Variants in CAPG observed in about 807,000 individuals in gnomAD.
CAPG encodes capping actin protein, gelsolin like.
A neutral mutation model predicts 44.6 loss-of-function variants in CAPG; 32 were observed. That is an observed-to-expected ratio of 0.72 (90% CI 0.54 to 0.96). The LOEUF (loss-of-function observed/expected upper bound fraction) is 0.96, where lower values mean the gene tolerates loss of function less well. CAPG is among the 50% of genes least tolerant of loss of function. CAPG has a pLI of 0.00. For missense variants in CAPG, 412 were observed against 438.3 expected (o/e 0.94, Z 0.54); for synonymous variants, 175 against 179.6 (o/e 0.97, Z 0.20).
At chr2:85,402,097 G>C in intron 2 of CAPG, 26 bp downstream of exon 2, 1 of 1,610,864 alleles carries the variant, frequency 6.2e-7, no homozygotes, top group Non-Finnish European at 8.5e-7. Flanking sequence ...GGGAAGTTGT[G>C]AAAGGAGATG....
chr2:85,405,979 C>G (rs1687129006), intron 1 of CAPG, among the ~76,000 whole-genome samples: 1 of 152,160 alleles, frequency 6.6e-6, no homozygotes, highest in Non-Finnish European at 1.5e-5. Context: ...AGCCTACATG[C>G]CAGAGAGCCA....
Position 85,395,666 on chromosome 2 carries a change from C to G in CAPG, c.893-40G>C, listed in dbSNP as rs781261820. On this transcript the variant is annotated intron_variant, in intron 8 of 9. Transcript: ENST00000263867. The surrounding 1 kb of genome is among the most constrained non-coding windows in gnomAD (Gnocchi z 4.3). The stretch of plus-strand genomic sequence containing the variant: ...GGAGATTTTTAAAAAGAGCAGGGAC[C>G]CTCTTTAGCTGCCATCCCATTTTTC... 7.0e-7 allele frequency: 1 copy of G among 1,420,982 alleles called. No homozygotes were observed. Among genetic ancestry groups the G allele is most frequent in the Admixed American group, 1.8e-5 (1 of 55,742 alleles). The allele number at this position is 1,420,982 out of a possible 1,614,324, so 88.0% of individuals were successfully genotyped here.
intron 1 of CAPG, among the ~76,000 whole-genome samples, chr2:85,417,121 C>T (rs957062230): frequency 6.6e-6 from 1 of 152,146 alleles, no homozygotes; most frequent in African/African-American, 2.4e-5. Flanking sequence ...GGGGACTAGT[C>T]CCCCAGAAGA....
At chr2:85,408,338 T>TCACACACACACACA (rs71390065) in intron 1 of CAPG, among the ~76,000 whole-genome samples, 2,833 of 129,498 alleles carry the variant, frequency 0.022, 57 homozygotes, top group Non-Finnish European at 0.028. Context: ...GAAGAATCTG[T>TCACACACACACACA]CACACACACA....
chr2:85,391,921 T>C (rs1356997070), downstream of CAPG, among the ~76,000 whole-genome samples: 1 of 152,188 alleles, frequency 6.6e-6, no homozygotes, highest in East Asian at 1.9e-4. Flanking sequence ...CAAACCTTGC[T>C]GAATTCATAG....
rs879197167 is a variant in CAPG, at chr2:85,401,071, C to T, written c.516+94G>A. The T allele has an allele frequency of 5.8e-4, 712 of 1,237,888 alleles. 3 individuals are homozygous for T. The highest frequency in any genetic ancestry group is 3.1e-3 in the Admixed American group (136 of 44,578). The allele number at this position is 1,237,888 out of a possible 1,614,324, so 76.7% of individuals were successfully genotyped here. A position where few individuals can be genotyped will look rare whatever the true frequency, so the allele number is the denominator to read the frequency against. ...CTCACTTGGAATGGGTTTACGGCTT[C>T]TCAGCTTCTCTCCCTCTTTCCTGGC... is the stretch of plus-strand genomic sequence containing the variant. On this transcript the variant is annotated intron_variant, in intron 5 of 9. Coordinates refer to ENST00000263867, the MANE Select transcript of CAPG (RefSeq NM_001747.4).
rs1686567659 is a variant in CAPG, at chr2:85,395,759, A to C, written c.893-133T>G. 1 of 642,790 alleles carries C rather than the reference A, an allele frequency of 1.6e-6. No homozygotes were observed. The highest frequency in any genetic ancestry group is 2.8e-6 in the Non-Finnish European group (1 of 361,652). 39.8% of individuals were successfully genotyped at this position (642,790 alleles called of 1,614,324 possible). ...TACAATAAATGGACCAGGGGTCCCAAGAATGCCGAGGGGCTCTTTGGAGAT... is the reference window on the plus strand; with the variant it reads ...TACAATAAATGGACCAGGGGTCCCACGAATGCCGAGGGGCTCTTTGGAGAT... On this transcript the variant is annotated intron_variant, in intron 8 of 9. Coordinates refer to ENST00000263867, the MANE Select transcript of CAPG (RefSeq NM_001747.4). This position sits in a 1 kb window ranked among gnomAD's most constrained non-coding sequence, Gnocchi z 4.3.
At chr2:85,398,939 C>T (rs894882286) in intron 6 of CAPG, among the ~76,000 whole-genome samples, 157 bp from the exon 7 acceptor site, 2 of 152,228 alleles carry the variant, frequency 1.3e-5, no homozygotes, top group Non-Finnish European at 2.9e-5. Context: ...CCAGCCCACC[C>T]CACCAGCCAG....
Position 85,401,229 on chromosome 2 carries a change from G to A in CAPG, c.452C>T (p.Thr151Ile), listed in dbSNP as rs1039561537. Residue 151 changes from threonine to isoleucine, a missense_variant, in exon 5 of 10, where the codon ACC becomes ATC. Coordinates refer to ENST00000263867, the MANE Select transcript of CAPG (RefSeq NM_001747.4). ...QVKGKKNIRA[T>I]ERALNWDSFN... ...GCTGTCCCAGTTCAGTGCCCGCTCG[G>A]TGGCACGGATGTTCTTCTTCCCCTT... The A allele has an allele frequency of 6.2e-7, 1 of 1,614,070 alleles. No individual in the cohort carries two copies. Among genetic ancestry groups the A allele is most frequent in the Non-Finnish European group, 8.5e-7 (1 of 1,180,024 alleles).
At chr2:85,410,023 C>A (rs1415185359) in intron 1 of CAPG, among the ~76,000 whole-genome samples, 1 of 152,248 alleles carries the variant, frequency 6.6e-6, no homozygotes, top group Non-Finnish European at 1.5e-5. Context: ...CTGGGACAAG[C>A]CCTGACCCAA....
upstream of CAPG, among the ~76,000 whole-genome samples, chr2:85,414,618 G>A (rs1417156395): frequency 6.7e-6 from 1 of 149,162 alleles, no homozygotes; most frequent in East Asian, 2.0e-4. Context: ...TTTTTGGAGA[G>A]ACTGTGTCTC....
intron 8 of CAPG, among the ~76,000 whole-genome samples, chr2:85,397,528 C>T (rs180793052): frequency 1.8e-4 from 27 of 149,406 alleles, no homozygotes; most frequent in Non-Finnish European, 3.1e-4. Flanking sequence ...GGTAGTGAAA[C>T]CCCATCTCTA....
intron 8 of CAPG, among the ~76,000 whole-genome samples, chr2:85,397,187 C>A (rs60889798): frequency 6.6e-6 from 1 of 152,054 alleles, no homozygotes; most frequent in Non-Finnish European, 1.5e-5. Context: ...CCCAGAAGCC[C>A]CAAAGGTCTA....
chr2:85,401,406 G>A lies in CAPG; in HGVS notation c.352-77C>T, dbSNP rs1044252778. Reference sequence around the variant, plus strand: ...CTGCACCCCATCCCACTGGAAGACGGGCAGAAAGGTGGGGACCCGGCTCCA... The same window carrying A: ...CTGCACCCCATCCCACTGGAAGACGAGCAGAAAGGTGGGGACCCGGCTCCA... On this transcript the variant is annotated intron_variant, in intron 4 of 9. Transcript: ENST00000263867. The A allele has an allele frequency of 2.6e-5, 41 of 1,577,298 alleles. No homozygotes were observed. The South Asian group carries it at 2.7e-4, about 11-fold the overall frequency.
intron 1 of CAPG, among the ~76,000 whole-genome samples, chr2:85,405,202 A>G (rs1184496193): frequency 6.6e-6 from 1 of 152,216 alleles, no homozygotes; most frequent in Non-Finnish European, 1.5e-5. Flanking sequence ...TTCAAGGGAA[A>G]AAATGCTAAA....
intron 7 of CAPG, chr2:85,398,360 C>G (rs1558730489): frequency 1.6e-6 from 1 of 619,562 alleles, no homozygotes; most frequent in Non-Finnish European, 2.8e-6. Context: ...CCCTGCAGCA[C>G]AGGGGCCCCG....
chr2:85,395,032 G>T lies in CAPG; in HGVS notation c.982-74C>A. 9.6e-7 allele frequency: 1 copy of T among 1,045,808 alleles called. No individual in the cohort carries two copies. Among genetic ancestry groups the T allele is most frequent in the Non-Finnish European group, 1.5e-6 (1 of 670,396 alleles). The allele number at this position is 1,045,808 out of a possible 1,614,324, so 64.8% of individuals were successfully genotyped here. ...GCCTCTGCCCAGGAGGACAGGAGGG[G>T]GCCAGAGCCAGGGAGGAGGGTGTGG... On this transcript the variant is annotated intron_variant, in intron 9 of 9. Transcript: ENST00000263867. This position sits in a 1 kb window ranked among gnomAD's most constrained non-coding sequence, Gnocchi z 4.3.
At chr2:85,398,189 C>T (rs757380156) in intron 7 of CAPG, 37 bp from the exon 8 acceptor site, 1 of 1,604,532 alleles carries the variant, frequency 6.2e-7, no homozygotes, top group Non-Finnish European at 8.5e-7. Flanking sequence ...TCACCCCCCA[C>T]ACACCAGCCC....
chr2:85,412,645 C>A (rs150753655), upstream of CAPG, among the ~76,000 whole-genome samples: 239 of 152,166 alleles, frequency 1.6e-3, 2 homozygotes, highest in African/African-American at 5.4e-3. Context: ...AACAAAGCCC[C>A]ATGACACGAG....
Sources: allele counts gnomAD v4.1 joint callset (sites outside exome capture counted in the v4.1 genomes callset), GRCh38; gene constraint gnomAD v4.1.1; non-coding constraint Gnocchi (gnomAD v3.1); transcripts MANE v1.5; gene names NCBI Gene and HGNC (gene_info 2026-07-23, HGNC 2026-07-21).